PTCHD4: variants seen among roughly 807,000 people sequenced by gnomAD.
PTCHD4 encodes the protein patched domain containing 4.
A neutral mutation model predicts 58.1 loss-of-function variants in PTCHD4; 33 were observed. That is an observed-to-expected ratio of 0.57 (90% confidence interval 0.43 to 0.76). The LOEUF (loss-of-function observed/expected upper bound fraction) is 0.76. Among genes scored for constraint, PTCHD4 ranks in the 30% least tolerant of loss-of-function variants. The probability of loss-of-function intolerance (pLI) is 0.00; values close to 1 mark genes in which losing one functional copy is unlikely to be tolerated. For missense variants in PTCHD4, 1,058 were observed against 1,027.1 expected (o/e 1.03, Z -0.41); for synonymous variants, 478 against 409.6 (o/e 1.17, Z -2.02).
chr6:48,014,771 C>A (rs1480804429), intron 3 of PTCHD4, among the ~76,000 whole-genome samples: 1 of 151,958 alleles, frequency 6.6e-6, no homozygotes, highest in Non-Finnish European at 1.5e-5. Flanking sequence ...CATGATGAAG[C>A]TCTTTTGTTT....
intron 3 of PTCHD4, among the ~76,000 whole-genome samples, chr6:48,011,946 A>G (rs1319788200): frequency 6.6e-6 from 1 of 152,126 alleles, no homozygotes; most frequent in Admixed American, 6.5e-5. Context: ...CTGTTTTGGT[A>G]CCAGTATCAT....
At chr6:47,957,480 G>A (rs1461815609) in intron 4 of PTCHD4, among the ~76,000 whole-genome samples, 2 of 150,932 alleles carry the variant, frequency 1.3e-5, no homozygotes, top group African/African-American at 4.8e-5. Context: ...CTTTTATAAA[G>A]TTTAATCTGA....
rs1343171734 is a variant in PTCHD4, at chr6:47,995,146, G to T, written c.898+13488C>A. Among the ~76,000 whole-genome samples the T allele has an allele frequency of 2.0e-5, 3 of 152,126 alleles. No individual in the cohort carries two copies. The East Asian group carries it at 5.8e-4, about 29-fold the overall frequency. ...AATAAAGAAAGGAGAAAGAATGTGT[G>T]GTAGTCCCATCAGAAACACTATTTA... On this transcript the variant is annotated intron_variant, in intron 4 of 4. Coordinates refer to ENST00000339488, the MANE Select transcript of PTCHD4 (RefSeq NM_001384253.1).
At chr6:48,102,617 G>A (rs533684727) in intron 1 of PTCHD4, among the ~76,000 whole-genome samples, 43 of 152,216 alleles carry the variant, frequency 2.8e-4, no homozygotes, top group Non-Finnish European at 8.8e-5. Flanking sequence ...AGTGGGTGCA[G>A]GACAGTGGGT....
chr6:47,982,642 C>T (rs961274553), intron 4 of PTCHD4, among the ~76,000 whole-genome samples: 1 of 152,114 alleles, frequency 6.6e-6, no homozygotes, highest in Non-Finnish European at 1.5e-5. Context: ...GCGCCCGCCA[C>T]CAGGCCGGCT....
chr6:48,026,373 C>A (rs1017665323), intron 3 of PTCHD4, among the ~76,000 whole-genome samples: 1 of 152,126 alleles, frequency 6.6e-6, no homozygotes, highest in African/African-American at 2.4e-5. Flanking sequence ...CTTTGTCCAT[C>A]TCCTTTTTGT....
chr6:47,996,568 G>A (rs573199652), intron 4 of PTCHD4, among the ~76,000 whole-genome samples: 492 of 152,278 alleles, frequency 3.2e-3, no homozygotes, highest in Middle Eastern at 0.02. Flanking sequence ...AAGGAGCCTG[G>A]GAGGCAAAGT....
chr6:47,866,751 G>A lies in PTCHD4; in HGVS notation c.*11552C>T, dbSNP rs1425963840. ...AAACTTTAACTATTAAAAAGGACAAGGGTAATGTATAAATCAGTTAGGTTT... is the reference window on the plus strand; with the variant it reads ...AAACTTTAACTATTAAAAAGGACAAAGGTAATGTATAAATCAGTTAGGTTT... On this transcript the variant is annotated 3_prime_UTR_variant, in exon 5 of 5. Coordinates refer to ENST00000339488, the MANE Select transcript of PTCHD4 (RefSeq NM_001384253.1). 6.6e-6 allele frequency among the ~76,000 whole-genome samples: 1 copy of A among 151,810 alleles called. No individual in the cohort carries two copies. Among genetic ancestry groups the A allele is most frequent in the Non-Finnish European group, 1.5e-5 (1 of 67,866 alleles).
intron 4 of PTCHD4, among the ~76,000 whole-genome samples, chr6:47,958,917 C>T (rs1182740661): frequency 6.6e-6 from 1 of 152,106 alleles, no homozygotes; most frequent in Non-Finnish European, 1.5e-5. Context: ...TCTGATTTCA[C>T]TTAACAAAAC....
chr6:47,972,657 C>T (rs991953897), intron 4 of PTCHD4, among the ~76,000 whole-genome samples: 4 of 151,852 alleles, frequency 2.6e-5, no homozygotes, highest in Non-Finnish European at 5.9e-5. Context: ...TTAATATGCT[C>T]TGTATCAATC....
chr6:48,080,473 G>C (rs912774510), intron 1 of PTCHD4, among the ~76,000 whole-genome samples: 16 of 152,160 alleles, frequency 1.1e-4, no homozygotes, highest in African/African-American at 3.9e-4. Flanking sequence ...TTGCTGAGCA[G>C]CTGTAAAATT....
At chr6:47,928,723 G>A (rs1359546) in intron 4 of PTCHD4, among the ~76,000 whole-genome samples, 147,693 of 152,286 alleles carry the variant, frequency 0.97, 71,648 homozygotes, top group East Asian at 1. Context: ...AGCAATTCCT[G>A]TTTACATTTT....
chr6:47,876,083 C>T lies in PTCHD4; in HGVS notation c.*2220G>A, dbSNP rs1030690000. Among the ~76,000 whole-genome samples, 5 of 151,344 alleles carry T rather than the reference C, an allele frequency of 3.3e-5. No homozygotes were observed. Among genetic ancestry groups the T allele is most frequent in the African/African-American group, 9.7e-5 (4 of 41,260 alleles). On this transcript the variant is annotated 3_prime_UTR_variant, in exon 5 of 5. Transcript: ENST00000339488. ...CTCCCTGCACCCCCACTACAAAACT[C>T]CCACCCAAACAAAAAATCAAAACCC...
At chr6:48,058,037 G>C (rs909438417) in intron 3 of PTCHD4, among the ~76,000 whole-genome samples, 1 of 152,238 alleles carries the variant, frequency 6.6e-6, no homozygotes, top group Non-Finnish European at 1.5e-5. Context: ...CTTTGGTTCT[G>C]AGCATTGGTA....
intron 4 of PTCHD4, among the ~76,000 whole-genome samples, chr6:47,932,293 G>A (rs1165712343): frequency 6.6e-6 from 1 of 152,180 alleles, no homozygotes; most frequent in Non-Finnish European, 1.5e-5. Flanking sequence ...GCACTGTGCT[G>A]TGTAAGGCAT....
chr6:47,943,229 C>T (rs187166169), intron 4 of PTCHD4, among the ~76,000 whole-genome samples: 55 of 152,098 alleles, frequency 3.6e-4, no homozygotes, highest in Admixed American at 8.5e-4. Flanking sequence ...TGTACAATGT[C>T]GTGCATGGTT....
chr6:47,890,968 G>A, intron 4 of PTCHD4: 1 of 794,928 alleles, frequency 1.3e-6, no homozygotes, highest in South Asian at 5.7e-5. Flanking sequence ...AGCACTTTGG[G>A]GGGCTGAGGC....
chr6:47,991,001 G>A (rs1226848666), intron 4 of PTCHD4, among the ~76,000 whole-genome samples: 1 of 151,864 alleles, frequency 6.6e-6, no homozygotes, highest in Admixed American at 6.6e-5. Flanking sequence ...AGAGACAAGG[G>A]GAAAATACAA....
At chr6:47,953,491 A>G (rs951586547) in intron 4 of PTCHD4, among the ~76,000 whole-genome samples, 3 of 152,144 alleles carry the variant, frequency 2.0e-5, no homozygotes, top group African/African-American at 7.2e-5. Context: ...CCATTAGCCT[A>G]AATGCTTTGA....
Sources: allele counts gnomAD v4.1 joint callset (sites outside exome capture counted in the v4.1 genomes callset), GRCh38; gene constraint gnomAD v4.1.1; transcripts MANE v1.5; gene names NCBI Gene and HGNC (gene_info 2026-07-23, HGNC 2026-07-21).